The following UTRN variants were observed in gnomAD, a reference collection of about 807,000 sequenced individuals.
The protein encoded by UTRN is dystrophin-related protein 1.
UTRN carries 283 observed loss-of-function variants against 463.9 expected under a neutral mutation model. The observed-to-expected ratio is 0.61, with a 90% CI of 0.55 to 0.67. The LOEUF (loss-of-function observed/expected upper bound fraction) is 0.67. UTRN is among the 30% of genes least tolerant of loss of function. UTRN has a pLI of 0.00. For synonymous variants in UTRN, 1,442 were observed against 1,431.5 expected (o/e 1.01, Z -0.17); for missense variants, 3,922 against 4,084.3 (o/e 0.96, Z 1.08).
chr6:144,468,282 G>A (rs1045694020), intron 23 of UTRN, among the ~76,000 whole-genome samples: 3 of 152,218 alleles, frequency 2.0e-5, no homozygotes, highest in Non-Finnish European at 2.9e-5. Context: ...TTCCTTGTCC[G>A]TGATCCCATA....
chr6:144,411,678 A>G (rs1783909240), intron 3 of UTRN, among the ~76,000 whole-genome samples: 1 of 152,150 alleles, frequency 6.6e-6, no homozygotes, highest in Non-Finnish European at 1.5e-5. Flanking sequence ...GTGCACATTT[A>G]CTGATTCGGA....
At chr6:144,414,323 T>TGTGTATG (rs1584686150) in intron 3 of UTRN, among the ~76,000 whole-genome samples, 1 of 152,098 alleles carries the variant, frequency 6.6e-6, no homozygotes, top group East Asian at 1.9e-4. Flanking sequence ...CCTAGGCTAA[T>TGTGTATG]GTGTATGTTT....
chr6:144,440,638 G>T (rs1051141286), intron 13 of UTRN, among the ~76,000 whole-genome samples, 167 bp downstream of exon 13: 6 of 152,180 alleles, frequency 3.9e-5, no homozygotes, highest in African/African-American at 1.2e-4. Context: ...TGGGCTACAG[G>T]AGTACCCAGG....
intron 51 of UTRN, among the ~76,000 whole-genome samples, chr6:144,615,933 GTC>G (rs1226959023): frequency 1.3e-5 from 2 of 152,054 alleles, no homozygotes; most frequent in Non-Finnish European, 2.9e-5. Context: ...AGGGCCATTT[GTC>G]TCTCTGACAT....
intron 2 of UTRN, among the ~76,000 whole-genome samples, chr6:144,323,260 A>T (rs1266613885): frequency 6.6e-6 from 1 of 152,234 alleles, no homozygotes; most frequent in Non-Finnish European, 1.5e-5. Context: ...CCCTTCAGTA[A>T]GCTATTAAAT....
chr6:144,723,433 C>T lies in UTRN; in HGVS notation c.7810-6924C>T, dbSNP rs751852656. On this transcript the variant is annotated intron_variant, in intron 53 of 74. Coordinates refer to ENST00000367545, the MANE Select transcript of UTRN (RefSeq NM_007124.3). ...TCTCCCATAATTTATTATGCTCAAG[C>T]ATTTATTGAGTGCTTTCTATATATG... Among the ~76,000 whole-genome samples, 8 of 152,124 alleles carry T rather than the reference C, an allele frequency of 5.3e-5. No homozygotes were observed. The South Asian group carries it at 6.2e-4, about 12-fold the overall frequency.
intron 58 of UTRN, among the ~76,000 whole-genome samples, chr6:144,766,648 G>A (rs1358591027): frequency 2.0e-5 from 3 of 152,030 alleles, no homozygotes; most frequent in Non-Finnish European, 4.4e-5. Flanking sequence ...CAGGAGAAAA[G>A]TTGGAAGCCA....
intron 2 of UTRN, among the ~76,000 whole-genome samples, chr6:144,324,283 A>C (rs1240938826): frequency 6.6e-6 from 1 of 152,062 alleles, no homozygotes; most frequent in African/African-American, 2.4e-5. Flanking sequence ...ATGAAGTAAA[A>C]GTAAGTCTGC....
At chr6:144,354,019 C>T (rs1778342194) in intron 2 of UTRN, among the ~76,000 whole-genome samples, 3 of 152,164 alleles carry the variant, frequency 2.0e-5, no homozygotes. Context: ...TACTTACTGG[C>T]AGCCTAGAAC....
intron 65 of UTRN, among the ~76,000 whole-genome samples, chr6:144,808,168 G>A (rs1216738087): frequency 1.3e-5 from 2 of 151,854 alleles, no homozygotes; most frequent in Non-Finnish European, 2.9e-5. Flanking sequence ...GCTAGGAGTT[G>A]GAAATAGAGA....
chr6:144,392,198 T>C (rs55751309), intron 2 of UTRN, among the ~76,000 whole-genome samples: 1,575 of 152,376 alleles, frequency 0.01, 32 homozygotes, highest in African/African-American at 0.036. Context: ...ATAGTACATA[T>C]TACTAAAAAT....
chr6:144,343,892 G>C (rs1391521973), intron 2 of UTRN, among the ~76,000 whole-genome samples: 1 of 151,894 alleles, frequency 6.6e-6, no homozygotes, highest in Non-Finnish European at 1.5e-5. Flanking sequence ...CTTCCCAGCT[G>C]ATACTGTCAA....
At chr6:144,429,822 G>GT (rs1440927313) in intron 9 of UTRN, 81 bp downstream of exon 9, 12 of 1,469,166 alleles carry the variant, frequency 8.2e-6, no homozygotes, top group Middle Eastern at 1.8e-4. Flanking sequence ...CTTTTAGAGG[G>GT]TTTTTTTCTT....
intron 3 of UTRN, among the ~76,000 whole-genome samples, chr6:144,404,047 G>T (rs1450695180): frequency 1.3e-5 from 2 of 152,188 alleles, no homozygotes; most frequent in African/African-American, 4.8e-5. Context: ...ACAAACATTG[G>T]TATTTCTTGA....
intron 3 of UTRN, among the ~76,000 whole-genome samples, chr6:144,404,018 A>G (rs908890263): frequency 6.6e-6 from 1 of 152,228 alleles, no homozygotes; most frequent in Non-Finnish European, 1.5e-5. Flanking sequence ...GCTTTTCAAA[A>G]GTTGTAAAGG....
At chr6:144,745,853 A>G (rs1257729679) in intron 54 of UTRN, among the ~76,000 whole-genome samples, 2 of 152,128 alleles carry the variant, frequency 1.3e-5, no homozygotes, top group Non-Finnish European at 2.9e-5. Flanking sequence ...GAAAAAGCCC[A>G]AGTGACTTAT....
At chr6:144,615,906 G>A (rs566707860) in intron 51 of UTRN, among the ~76,000 whole-genome samples, 1 of 152,104 alleles carries the variant, frequency 6.6e-6, no homozygotes, top group Non-Finnish European at 1.5e-5. Flanking sequence ...GCCCTACCAG[G>A]TCCTACATGA....
chr6:144,569,030 ATAT>A (rs1299500338), intron 50 of UTRN, among the ~76,000 whole-genome samples: 1 of 152,094 alleles, frequency 6.6e-6, no homozygotes, highest in Non-Finnish European at 1.5e-5. Context: ...TTGACTTATG[ATAT>A]TATGATAAAT....
At chr6:144,848,812 C>T (rs1300695193) in intron 74 of UTRN, among the ~76,000 whole-genome samples, 1 of 152,072 alleles carries the variant, frequency 6.6e-6, no homozygotes, top group African/African-American at 2.4e-5. Flanking sequence ...GAGTAGGGGA[C>T]TTTGAGCCAT....
Sources: allele counts gnomAD v4.1 joint callset (sites outside exome capture counted in the v4.1 genomes callset), GRCh38; gene constraint gnomAD v4.1.1; transcripts MANE v1.5; gene names NCBI Gene and HGNC (gene_info 2026-07-23, HGNC 2026-07-21).